Variants in MOB3B observed in about 807,000 individuals in gnomAD.
The protein encoded by MOB3B is MOB kinase activator-like 2B.
In MOB3B, 7 loss-of-function variants were observed where a neutral mutation model predicts 18.7. That is an observed-to-expected ratio of 0.37 (90% CI 0.21 to 0.70). The LOEUF (loss-of-function observed/expected upper bound fraction) is 0.70. Among genes scored for constraint, MOB3B ranks in the 30% least tolerant of loss-of-function variants. The probability of loss-of-function intolerance (pLI) is 0.52; values close to 1 mark genes in which losing one functional copy is unlikely to be tolerated. For missense variants in MOB3B, 253 were observed against 281.3 expected (o/e 0.90, Z 0.72); for synonymous variants, 111 against 99.9 (o/e 1.11, Z -0.66).
At chr9:27,341,029 T>C (rs1411814767) in intron 3 of MOB3B, among the ~76,000 whole-genome samples, 1 of 152,162 alleles carries the variant, frequency 6.6e-6, no homozygotes, top group African/African-American at 2.4e-5. Flanking sequence ...ATGCCCCCTG[T>C]AGGGTTGTGC....
intron 2 of MOB3B, among the ~76,000 whole-genome samples, chr9:27,439,694 C>T (rs924342195): frequency 6.6e-6 from 1 of 152,042 alleles, no homozygotes. Flanking sequence ...TACTTTTTCC[C>T]CCTCTCATGC....
intron 2 of MOB3B, among the ~76,000 whole-genome samples, chr9:27,430,037 T>TGC (rs1313026445): frequency 6.6e-6 from 1 of 152,292 alleles, no homozygotes; most frequent in Admixed American, 6.5e-5. Context: ...CTGCTGAGGG[T>TGC]GCCACTTGCC....
intron 2 of MOB3B, among the ~76,000 whole-genome samples, chr9:27,368,340 A>G (rs1013716494): frequency 2.3e-5 from 3 of 130,132 alleles, no homozygotes. Context: ...ACATATATAT[A>G]CACACACATA....
intron 3 of MOB3B, among the ~76,000 whole-genome samples, chr9:27,351,268 T>C (rs560069780): frequency 1.5e-5 from 2 of 134,826 alleles, no homozygotes; most frequent in African/African-American, 5.7e-5. Flanking sequence ...GGATGAAAGA[T>C]GACAGGGCTG....
chr9:27,394,149 T>G (rs1444651006), intron 2 of MOB3B: 1 of 152,184 alleles, frequency 6.6e-6, no homozygotes, highest in African/African-American at 2.4e-5. Flanking sequence ...GTCACTGTAT[T>G]TCCTAAAGGA....
rs147630286 is a variant in MOB3B, at chr9:27,326,236, G to A, written c.*4351C>T. ...GAGTGATGTGGAGAGCTTTGGGAAG[G>A]TTTCACGTTGAGTTACATCAGTGGT... On this transcript the variant is annotated 3_prime_UTR_variant, in exon 4 of 4. Transcript: ENST00000262244. The A allele has an allele frequency of 5.3e-3, 2,002 of 379,682 alleles. 7 individuals are homozygous for A. The highest frequency in any genetic ancestry group is 9.4e-3 in the Middle Eastern group (14 of 1,492). The allele number at this position is 379,682 out of a possible 1,614,324, so 23.5% of individuals were successfully genotyped here.
At chr9:27,446,392 T>A (rs1359764473) in intron 2 of MOB3B, among the ~76,000 whole-genome samples, 2 of 152,204 alleles carry the variant, frequency 1.3e-5, no homozygotes. Context: ...AGGCCACTTG[T>A]GCTATGCCTG....
At chr9:27,422,628 G>A (rs1822271710) in intron 2 of MOB3B, among the ~76,000 whole-genome samples, 1 of 152,156 alleles carries the variant, frequency 6.6e-6, no homozygotes, top group Non-Finnish European at 1.5e-5. Context: ...CACTTCTTAA[G>A]CTTTTTGTAT....
chr9:27,379,923 T>G (rs1821551129), intron 2 of MOB3B, among the ~76,000 whole-genome samples: 1 of 152,180 alleles, frequency 6.6e-6, no homozygotes, highest in Non-Finnish European at 1.5e-5. Context: ...CACCTAAAAA[T>G]AAAACAAAAC....
intron 1 of MOB3B, among the ~76,000 whole-genome samples, chr9:27,483,437 A>G (rs368970468): frequency 6.6e-6 from 1 of 152,110 alleles, no homozygotes; most frequent in African/African-American, 2.4e-5. Flanking sequence ...CGGCCAATAT[A>G]TGGTACTTCT....
chr9:27,438,886 C>T (rs908698275), intron 2 of MOB3B, among the ~76,000 whole-genome samples: 43 of 152,196 alleles, frequency 2.8e-4, no homozygotes, highest in African/African-American at 9.4e-4. Flanking sequence ...CCGAAAAGTC[C>T]ACCTCAGCAG....
At chr9:27,411,733 C>A (rs1334970262) in intron 2 of MOB3B, among the ~76,000 whole-genome samples, 1 of 152,142 alleles carries the variant, frequency 6.6e-6, no homozygotes, top group Non-Finnish European at 1.5e-5. Context: ...TGAAATAATT[C>A]TGAATGATAC....
At chr9:27,368,869 C>T (rs1288566185) in intron 2 of MOB3B, among the ~76,000 whole-genome samples, 1 of 152,226 alleles carries the variant, frequency 6.6e-6, no homozygotes, top group Non-Finnish European at 1.5e-5. Context: ...CCTCCTCCTA[C>T]CCCTGAGCGC....
chr9:27,368,882 C>A (rs181985825), intron 2 of MOB3B, among the ~76,000 whole-genome samples: 43 of 152,330 alleles, frequency 2.8e-4, no homozygotes, highest in African/African-American at 8.9e-4. Flanking sequence ...CTGAGCGCCA[C>A]TTCTGAGTTG....
chr9:27,355,716 T>G (rs1323672808), intron 3 of MOB3B, among the ~76,000 whole-genome samples: 1 of 150,296 alleles, frequency 6.7e-6, no homozygotes, highest in Non-Finnish European at 1.5e-5. Context: ...CCCGCCACCG[T>G]GCCTGGCTAA....
At chr9:27,450,702 C>A (rs894667029) in intron 2 of MOB3B, among the ~76,000 whole-genome samples, 27 of 152,162 alleles carry the variant, frequency 1.8e-4, no homozygotes, top group Admixed American at 4.6e-4. Flanking sequence ...GACAAAGGCA[C>A]AGATTTCTGG....
chr9:27,498,624 T>A (rs1343217250), intron 1 of MOB3B, among the ~76,000 whole-genome samples: 2 of 152,228 alleles, frequency 1.3e-5, no homozygotes, highest in African/African-American at 4.8e-5. Context: ...TTAAACTGTT[T>A]ATTCTCAATG....
At chr9:27,498,808 C>A (rs1563883719) in intron 1 of MOB3B, among the ~76,000 whole-genome samples, 1 of 152,282 alleles carries the variant, frequency 6.6e-6, no homozygotes, top group East Asian at 1.9e-4. Context: ...TCTTATGATT[C>A]TTTAAGCGTA....
rs189607790 is a variant in MOB3B, at chr9:27,438,677, G to A, written c.418+16456C>T. Among the ~76,000 whole-genome samples the A allele has an allele frequency of 2.4e-3, 361 of 152,292 alleles. 3 individuals are homozygous for A. The highest frequency in any genetic ancestry group is 0.015 in the South Asian group (73 of 4,828). On this transcript the variant is annotated intron_variant, in intron 2 of 3. Coordinates refer to ENST00000262244, the MANE Select transcript of MOB3B (RefSeq NM_024761.5). Reference sequence around the variant, plus strand: ...CAGCTGCTGGATAGCACCGTTGGGAGGACAAGGAGCTGCAAGAGATGAAAC... The same window carrying A: ...CAGCTGCTGGATAGCACCGTTGGGAAGACAAGGAGCTGCAAGAGATGAAAC...
Sources: gnomAD v4.1 joint callset for allele counts (sites outside exome capture counted in the v4.1 genomes callset) on GRCh38, gnomAD v4.1.1 for gene constraint, MANE v1.5 for transcripts, NCBI Gene and HGNC (gene_info 2026-07-23, HGNC 2026-07-21) for gene names.